Variants in RASA4B observed in about 807,000 individuals in gnomAD.
RASA4B encodes the protein RAS p21 protein activator 4B.
A neutral mutation model predicts 24.2 loss-of-function variants in RASA4B; 2 were observed. The observed-to-expected ratio is 0.08, with a 90% CI of 0.03 to 0.26. The LOEUF (loss-of-function observed/expected upper bound fraction) is 0.26. Among genes scored for constraint, RASA4B ranks in the 10% least tolerant of loss-of-function variants. RASA4B has a pLI of 1.00. For synonymous variants in RASA4B, 2 were observed against 125.6 expected (o/e 0.02, Z 6.58); for missense variants, 8 against 277.2 (o/e 0.03, Z 6.90).
At chr7:102,497,332 T>C (rs1263865524) in intron 8 of RASA4B, among the ~76,000 whole-genome samples, 2 of 151,134 alleles carry the variant, frequency 1.3e-5, no homozygotes, top group African/African-American at 4.9e-5. Context: ...AACAACCTAA[T>C]AGGGAAACTG....
Position 102,496,197 on chromosome 7 carries a change from G to T in RASA4B, c.1014C>A (p.Thr338=). Residue 338 remains threonine, a synonymous_variant, in exon 11 of 21, where the codon ACC becomes ACA. Transcript: ENST00000465829. ...GAGAGTTGCTCCGGAACAGGGTGTT[G>T]GTCTCACCTACAAACAGAGGTCCCA... ...FQLELSRTSE[T]NTLFRSNSLA... 6.2e-7 allele frequency: 1 copy of T among 1,613,638 alleles called. No homozygotes were observed. The highest frequency in any genetic ancestry group is 2.2e-5 in the East Asian group (1 of 44,854).
chr7:102,502,811 G>A (rs2133334634), intron 6 of RASA4B, among the ~76,000 whole-genome samples: 1 of 107,784 alleles, frequency 9.3e-6, no homozygotes, highest in South Asian at 3.1e-4. Context: ...CGACTATACT[G>A]AGAAAGCAGA....
intron 8 of RASA4B, among the ~76,000 whole-genome samples, chr7:102,498,284 T>G (rs1466677439): frequency 6.6e-6 from 1 of 150,932 alleles, no homozygotes; most frequent in Non-Finnish European, 1.5e-5. Context: ...TTTGCTGAGA[T>G]GGAGTCCTGC....
Position 102,480,105 on chromosome 7 carries a change from G to C in RASA4B, c.*3487C>G, listed in dbSNP as rs111728782. 6.6e-6 allele frequency among the ~76,000 whole-genome samples: 1 copy of C among 151,886 alleles called. No individual in the cohort carries two copies. The highest frequency in any genetic ancestry group is 6.6e-5 in the Admixed American group (1 of 15,210). On this transcript the variant is annotated 3_prime_UTR_variant, in exon 21 of 21. Transcript: ENST00000465829. ...AGGAGTGACCAGAAGACAAGAGTGC[G>C]AGCTTTCTGTTATGCCCGGACAGGG...
At chr7:102,512,844 G>A (rs1799743661) in intron 1 of RASA4B, among the ~76,000 whole-genome samples, 2 of 150,568 alleles carry the variant, frequency 1.3e-5, no homozygotes, top group Non-Finnish European at 3.0e-5. Context: ...GGAGTAAAGA[G>A]GGAGGGGGAG....
At chr7:102,504,679 C>CAAAAAA (rs371687112) in intron 5 of RASA4B, among the ~76,000 whole-genome samples, 1 of 96,454 alleles carries the variant, frequency 1.0e-5, no homozygotes, top group Non-Finnish European at 1.9e-5. Context: ...CAGACTGCCT[C>CAAAAAA]AAAAAAAAAA....
intron 18 of RASA4B, among the ~76,000 whole-genome samples, chr7:102,486,678 GT>G (rs1375507768): frequency 3.3e-4 from 1 of 3,076 alleles, no homozygotes; most frequent in African/African-American, 4.3e-4. Context: ...TTGTTTTTTT[GT>G]TTTTTTTTTT....
At chr7:102,507,384 ATCT>A (rs1799557259) in intron 4 of RASA4B, among the ~76,000 whole-genome samples, 1 of 84,552 alleles carries the variant, frequency 1.2e-5, no homozygotes, top group Non-Finnish European at 2.5e-5. Context: ...CAGATTCCCC[ATCT>A]TAAAACGGGA....
chr7:102,491,767 C>CA (rs59999871), intron 16 of RASA4B, among the ~76,000 whole-genome samples: 17,070 of 52,932 alleles, frequency 0.32, 786 homozygotes, highest in East Asian at 0.5. Flanking sequence ...AACTCCATCT[C>CA]AAAAAAAAAA....
rs1282927806 is a variant in RASA4B at position 102,482,118 on chromosome 7, C to T, written c.*1474G>A. On this transcript the variant is annotated 3_prime_UTR_variant, in exon 21 of 21. Transcript: ENST00000465829. ...GTCCTCATAACCCACAAAAGCCCTG[C>T]CCACCCTGCCCCGGGGCGGCCCACA... Among the ~76,000 whole-genome samples, 2 of 151,508 alleles carry T rather than the reference C, an allele frequency of 1.3e-5. No individual in the cohort carries two copies. Among genetic ancestry groups the T allele is most frequent in the African/African-American group, 4.8e-5 (2 of 41,470 alleles).
intron 1 of RASA4B, among the ~76,000 whole-genome samples, chr7:102,512,775 G>T (rs1335205692): frequency 1.3e-5 from 2 of 150,038 alleles, no homozygotes; most frequent in Admixed American, 1.3e-4. Context: ...TAAGAGGGAG[G>T]GGGAGACTGA....
chr7:102,484,633 T>A (rs1798645155), intron 19 of RASA4B, among the ~76,000 whole-genome samples: 1 of 129,158 alleles, frequency 7.7e-6, no homozygotes, highest in African/African-American at 2.6e-5. Flanking sequence ...ACCAGCCACA[T>A]CTCCAGAGAC....
chr7:102,497,062 C>A lies in RASA4B; in HGVS notation c.738-98G>T, dbSNP rs1799171789. 2.0e-6 allele frequency: 3 copies of A among 1,463,412 alleles called. 1 individual carries two copies. Among genetic ancestry groups the A allele is most frequent in the South Asian group, 2.3e-5 (2 of 85,916 alleles). The allele number at this position is 1,463,412 out of a possible 1,614,324, so 90.7% of individuals were successfully genotyped here. On this transcript the variant is annotated intron_variant, in intron 8 of 20. Transcript: ENST00000465829. ...CAGTTTTTTCCCTTGGGGCCGGCTTCCCATCTCTCTGCTCATGCCCTCCAT... is the reference window on the plus strand; with the variant it reads ...CAGTTTTTTCCCTTGGGGCCGGCTTACCATCTCTCTGCTCATGCCCTCCAT...
At chr7:102,489,687 A>T (rs1439559228) in intron 17 of RASA4B, among the ~76,000 whole-genome samples, 1 of 148,768 alleles carries the variant, frequency 6.7e-6, no homozygotes, top group Admixed American at 6.9e-5. Context: ...ACCACTCTTA[A>T]TAGGACAGAC....
At chr7:102,496,821 C>CG in intron 9 of RASA4B, 26 bp downstream of exon 9, 2 of 873,682 alleles carry the variant, frequency 2.3e-6, no homozygotes, top group Non-Finnish European at 1.9e-6. Context: ...CCACTGGACC[C>CG]TCCCACCCTG....
At chr7:102,492,460 TGC>T (rs1798982535) in intron 16 of RASA4B, among the ~76,000 whole-genome samples, 1 of 74,148 alleles carries the variant, frequency 1.3e-5, no homozygotes, top group African/African-American at 3.0e-5. Context: ...CAAGATTCCG[TGC>T]TTCTATATTC....
At chr7:102,498,512 G>A (rs1277907644) in intron 8 of RASA4B, among the ~76,000 whole-genome samples, 6 of 144,726 alleles carry the variant, frequency 4.1e-5, no homozygotes, top group African/African-American at 1.0e-4. Context: ...CACCCGCCTC[G>A]GCCACCCAAG....
rs1281241995 is a variant in RASA4B, at chr7:102,480,155, C to A, written c.*3437G>T. On this transcript the variant is annotated 3_prime_UTR_variant, in exon 21 of 21. Coordinates refer to ENST00000465829, the MANE Select transcript of RASA4B (RefSeq NM_001367767.2). ...GCCACCAGAGGGCTCCTTGGTCTAG[C>A]GGTAACGCCAGCATCTGGGAAGACA... Among the ~76,000 whole-genome samples, 7 of 152,078 alleles carry A rather than the reference C, an allele frequency of 4.6e-5. No individual in the cohort carries two copies. The highest frequency in any genetic ancestry group is 1.7e-4 in the African/African-American group (7 of 41,422).
chr7:102,490,742 C>G (rs879444643), intron 17 of RASA4B, among the ~76,000 whole-genome samples: 9,835 of 135,780 alleles, frequency 0.072, 223 homozygotes, highest in East Asian at 0.14. Context: ...GCCACTCCCA[C>G]AGAGCTCAGG....
Sources: allele counts gnomAD v4.1 joint callset (sites outside exome capture counted in the v4.1 genomes callset), GRCh38; gene constraint gnomAD v4.1.1; transcripts MANE v1.5; gene names NCBI Gene and HGNC (gene_info 2026-07-23, HGNC 2026-07-21).